The following LRBA variants were observed in gnomAD, a reference collection of about 807,000 sequenced individuals.
The protein encoded by LRBA is lipopolysaccharide-responsive and beige-like anchor protein.
Under a neutral mutation model 330.0 loss-of-function variants are expected in LRBA, and 176 were observed. The observed-to-expected ratio is 0.53, with a 90% CI of 0.47 to 0.60. LRBA has a LOEUF of 0.60. Ranked by LOEUF, LRBA falls within the 20% of genes least tolerant of loss-of-function variation. LRBA has a pLI of 0.00. For synonymous variants in LRBA, 1,230 were observed against 1,193.0 expected, an observed-to-expected ratio of 1.03 and a Z score of -0.64; for missense variants, 3,259 against 3,444.8, an observed-to-expected ratio of 0.95 and a Z score of 1.35.
intron 19 of LRBA, among the ~76,000 whole-genome samples, chr4:150,871,024 G>A (rs1311735046): frequency 1.3e-5 from 2 of 151,860 alleles, no homozygotes; most frequent in African/African-American, 2.4e-5. Flanking sequence ...TGGGTAGATC[G>A]CCTGAGGTCA....
intron 5 of LRBA, among the ~76,000 whole-genome samples, chr4:150,917,329 A>G (rs954167563): frequency 5.3e-5 from 8 of 152,106 alleles, no homozygotes; most frequent in African/African-American, 1.9e-4. Flanking sequence ...TCATTTCTTA[A>G]AATGAACGTA....
chr4:150,986,880 G>C (rs1196118609), intron 2 of LRBA, among the ~76,000 whole-genome samples: 1 of 152,172 alleles, frequency 6.6e-6, no homozygotes, highest in East Asian at 1.9e-4. Context: ...CGTGCGATAG[G>C]TGAAAGGAGA....
chr4:150,540,775 C>A (rs909454789), intron 40 of LRBA, among the ~76,000 whole-genome samples: 8 of 152,080 alleles, frequency 5.3e-5, no homozygotes, highest in African/African-American at 1.7e-4. Flanking sequence ...CTAAGAAGGG[C>A]CCTGTGTCAG....
chr4:150,579,343 A>G (rs1440536060), intron 40 of LRBA: 1 of 455,400 alleles, frequency 2.2e-6, no homozygotes, highest in Non-Finnish European at 4.4e-6. Context: ...CTCTTAGAGC[A>G]GAGGCAGCCA....
At chr4:150,391,386 A>G (rs750699204) in intron 47 of LRBA, among the ~76,000 whole-genome samples, 28 of 152,186 alleles carry the variant, frequency 1.8e-4, no homozygotes, top group Non-Finnish European at 2.8e-4. Context: ...TGTAAACCTT[A>G]AAACTGGCTT....
At chr4:150,461,938 T>C (rs183857464) in intron 44 of LRBA, among the ~76,000 whole-genome samples, 1 of 151,698 alleles carries the variant, frequency 6.6e-6, no homozygotes, top group African/African-American at 2.4e-5. Flanking sequence ...GAAAAAATAA[T>C]AAATCACAGG....
chr4:150,870,707 A>T, intron 19 of LRBA, 101 bp from the exon 20 acceptor site: 1 of 633,306 alleles, frequency 1.6e-6, no homozygotes, highest in Non-Finnish European at 2.8e-6. Context: ...TAAGTACAAC[A>T]CTAATCAAAA....
At chr4:150,718,830 G>C (rs557760118) in intron 36 of LRBA, among the ~76,000 whole-genome samples, 1 of 151,970 alleles carries the variant, frequency 6.6e-6, no homozygotes, top group Non-Finnish European at 1.5e-5. Flanking sequence ...CAATGTATTC[G>C]AGGATTAGAT....
chr4:150,301,935 TAA>T (rs1389869757), intron 53 of LRBA, among the ~76,000 whole-genome samples: 1 of 152,226 alleles, frequency 6.6e-6, no homozygotes, highest in Non-Finnish European at 1.5e-5. Context: ...GTGGTCCCTT[TAA>T]TTGTTTTTTC....
At chr4:150,860,092 A>G (rs1468750234) in intron 22 of LRBA, among the ~76,000 whole-genome samples, 2 of 152,190 alleles carry the variant, frequency 1.3e-5, no homozygotes, top group Non-Finnish European at 2.9e-5. Flanking sequence ...TTTTAAAAAT[A>G]GCTATAAAGA....
intron 44 of LRBA, among the ~76,000 whole-genome samples, chr4:150,453,622 T>C (rs974229502): frequency 1.3e-5 from 2 of 152,324 alleles, no homozygotes; most frequent in Middle Eastern, 6.8e-3. Context: ...AATAAGTAGA[T>C]AGTCAATTAC....
At chr4:150,900,522 T>C (rs1730606051) in intron 13 of LRBA, among the ~76,000 whole-genome samples, 2 of 152,238 alleles carry the variant, frequency 1.3e-5, no homozygotes, top group African/African-American at 4.8e-5. Context: ...CAATTATTCC[T>C]AAGCATGTGT....
At chr4:150,853,326 ACCAATTT>A (rs1431450645) in intron 22 of LRBA, among the ~76,000 whole-genome samples, 1 of 152,208 alleles carries the variant, frequency 6.6e-6, no homozygotes, top group Non-Finnish European at 1.5e-5. Context: ...CGCTATGAAT[ACCAATTT>A]CCCCAGGACT....
At chr4:150,838,350 T>C (rs1167648591) in intron 28 of LRBA, among the ~76,000 whole-genome samples, 2 of 152,228 alleles carry the variant, frequency 1.3e-5, no homozygotes, top group Non-Finnish European at 2.9e-5. Flanking sequence ...CTTGCTAGGT[T>C]GGGCAAGTCC....
At position 150,588,057 on chromosome 4, in the gene LRBA, G is replaced by A. The variant is rs199753191; in HGVS notation, c.6321C>T (p.Ile2107=). The change falls in exon 40 of 57, where the codon ATC becomes ATT. Residue 2107 remains isoleucine (I), a synonymous_variant. Transcript: ENST00000651943. Reference sequence around the variant, plus strand: ...CCCTTCATCTTCTCACCTTGGGGTCGATTTTTTTGAAGTTAGGATCCTCTT... The same window carrying A: ...CCCTTCATCTTCTCACCTTGGGGTCAATTTTTTTGAAGTTAGGATCCTCTT... ...VDEEDPNFKK[I]DPKILAYTEG... is the part of the protein sequence containing the mutation. 78 of 1,611,720 alleles carry A rather than the reference G, an allele frequency of 4.8e-5. No individual in the cohort carries two copies. The highest frequency in any genetic ancestry group is 1.5e-4 in the Admixed American group (9 of 59,718).
intron 47 of LRBA, among the ~76,000 whole-genome samples, chr4:150,392,435 C>G (rs1744116976): frequency 6.6e-6 from 1 of 152,146 alleles, no homozygotes; most frequent in South Asian, 2.1e-4. Context: ...TATAAGAGCA[C>G]TAATTCCATC....
rs141771520 is a variant in LRBA, at chr4:150,865,487, C to A, written c.2766+2184G>T. On this transcript the variant is annotated intron_variant, in intron 22 of 56. Transcript: ENST00000651943. ...ATGGCTAGCTGAATTCTGTTTTAAA[C>A]AAAACTGATCAACCTCAACAATACA... Among the ~76,000 whole-genome samples, 17 of 152,186 alleles carry A rather than the reference C, an allele frequency of 1.1e-4. No individual in the cohort carries two copies. In the East Asian group the frequency reaches 1.9e-3, roughly 17 times the overall value.
rs111899695 is a variant in LRBA, at chr4:150,617,997, A to G, written c.5922-18866T>C. ...TGCGAGCCTGTAGTCCCAGCCACTCAGGAGGCTGAGGTGGGAGGATCGATT... is the reference window on the plus strand; with the variant it reads ...TGCGAGCCTGTAGTCCCAGCCACTCGGGAGGCTGAGGTGGGAGGATCGATT... On this transcript the variant is annotated intron_variant, in intron 37 of 56. Transcript: ENST00000651943. Among the ~76,000 whole-genome samples, 1,293 of 152,164 alleles carry G rather than the reference A, an allele frequency of 8.5e-3. 23 individuals carry two copies. The highest frequency in any genetic ancestry group is 0.027 in the African/African-American group (1,138 of 41,530).
chr4:150,882,552 T>C (rs575557537), intron 17 of LRBA, among the ~76,000 whole-genome samples: 26 of 152,324 alleles, frequency 1.7e-4, no homozygotes, highest in African/African-American at 6.3e-4. Flanking sequence ...GGAAATATTT[T>C]CATGCAATCT....
Sources: allele counts gnomAD v4.1 joint callset (sites outside exome capture counted in the v4.1 genomes callset), GRCh38; gene constraint gnomAD v4.1.1; transcripts MANE v1.5; gene names NCBI Gene and HGNC (gene_info 2026-07-23, HGNC 2026-07-21).